CNTNAP5: variants seen among roughly 807,000 people sequenced by gnomAD.
CNTNAP5 encodes contactin associated protein family member 5, also known as contactin-associated protein-like 5.
Under a neutral mutation model 150.2 loss-of-function variants are expected in CNTNAP5, and 72 were observed. That is an observed-to-expected ratio of 0.48 (90% CI 0.40 to 0.58). CNTNAP5 has a LOEUF of 0.58. Ranked by LOEUF, CNTNAP5 falls within the 20% of genes least tolerant of loss-of-function variation. CNTNAP5 has a pLI of 0.00. For missense variants in CNTNAP5, 1,636 were observed against 1,626.2 expected (o/e 1.01, Z -0.10); for synonymous variants, 672 against 619.8 (o/e 1.08, Z -1.25).
chr2:124,038,176 A>G (rs1309909674), intron 1 of CNTNAP5, among the ~76,000 whole-genome samples: 1 of 152,206 alleles, frequency 6.6e-6, no homozygotes, highest in Non-Finnish European at 1.5e-5. Flanking sequence ...ACCCTGTCCG[A>G]CTGGCTTCGG....
At chr2:124,906,637 G>A (rs1558821560) in intron 22 of CNTNAP5, among the ~76,000 whole-genome samples, 1 of 152,084 alleles carries the variant, frequency 6.6e-6, no homozygotes, top group South Asian at 2.1e-4. Context: ...CTTTTATATG[G>A]CAGGACTCTT....
At chr2:124,707,146 AGAAGAAG>A (rs1365927798) in intron 13 of CNTNAP5, among the ~76,000 whole-genome samples, 1 of 41,728 alleles carries the variant, frequency 2.4e-5, no homozygotes, top group Non-Finnish European at 5.0e-5. Flanking sequence ...AAGAGGAAGA[AGAAGAAG>A]AAGAAGAAGA....
intron 1 of CNTNAP5, among the ~76,000 whole-genome samples, chr2:124,060,162 G>A (rs1232681055): frequency 2.0e-5 from 3 of 152,036 alleles, no homozygotes; most frequent in East Asian, 3.9e-4. Context: ...CTTTGGAATC[G>A]ATGACTCCAC....
chr2:124,831,776 T>A (rs62171359), intron 19 of CNTNAP5, among the ~76,000 whole-genome samples: 7,566 of 151,738 alleles, frequency 0.05, 548 homozygotes, highest in African/African-American at 0.16. Context: ...ATATTTAAAA[T>A]TACATGAAAA....
rs565570385 is a variant in CNTNAP5 at position 124,324,037 on chromosome 2, A to G, written c.381+81644A>G. Among the ~76,000 whole-genome samples, 4 of 152,302 alleles carry G rather than the reference A, an allele frequency of 2.6e-5. No homozygotes were observed. In the South Asian group the frequency reaches 8.3e-4, roughly 32 times the overall value. Reference sequence around the variant, plus strand: ...AGCATTACGAAAAAAAGAGCCAAAAATACATTCATTAATATTCATTAATTT... The same window carrying G: ...AGCATTACGAAAAAAAGAGCCAAAAGTACATTCATTAATATTCATTAATTT... On this transcript the variant is annotated intron_variant, in intron 3 of 23. Coordinates refer to ENST00000682447, the MANE Select transcript of CNTNAP5 (RefSeq NM_001367498.1).
At chr2:124,642,677 A>G (rs947822298) in intron 12 of CNTNAP5, among the ~76,000 whole-genome samples, 3 of 152,164 alleles carry the variant, frequency 2.0e-5, no homozygotes, top group Non-Finnish European at 2.9e-5. Flanking sequence ...ACAGCCTCAG[A>G]CATTTGTCAT....
chr2:124,709,619 A>T (rs1679764807), intron 13 of CNTNAP5, among the ~76,000 whole-genome samples: 1 of 152,172 alleles, frequency 6.6e-6, no homozygotes, highest in Admixed American at 6.5e-5. Context: ...TTAATATCTT[A>T]TAAGACTATG....
At chr2:124,318,068 C>T (rs922072763) in intron 3 of CNTNAP5, among the ~76,000 whole-genome samples, 1 of 152,124 alleles carries the variant, frequency 6.6e-6, no homozygotes, top group Non-Finnish European at 1.5e-5. Flanking sequence ...AAGACTGGGA[C>T]GATGAGCTGA....
chr2:124,505,728 T>C (rs1360142686), intron 8 of CNTNAP5, among the ~76,000 whole-genome samples: 1 of 152,138 alleles, frequency 6.6e-6, no homozygotes, highest in African/African-American at 2.4e-5. Context: ...TACCAATCTC[T>C]GATGTCCTTC....
chr2:124,773,707 G>T (rs1681255045), intron 17 of CNTNAP5, among the ~76,000 whole-genome samples: 1 of 151,906 alleles, frequency 6.6e-6, no homozygotes, highest in Non-Finnish European at 1.5e-5. Flanking sequence ...TTAGATAGTG[G>T]GTATTGAAAG....
At chr2:124,426,364 C>A (rs949193481) in intron 4 of CNTNAP5, among the ~76,000 whole-genome samples, 2 of 152,180 alleles carry the variant, frequency 1.3e-5, no homozygotes, top group Non-Finnish European at 2.9e-5. Flanking sequence ...GTGGAGGAAT[C>A]TGTGCAAATT....
intron 12 of CNTNAP5, among the ~76,000 whole-genome samples, chr2:124,619,842 CATATATATATATAT>C (rs58774096): frequency 0.44 from 43,378 of 98,232 alleles, 10,854 homozygotes; most frequent in Non-Finnish European, 0.54. Context: ...CTGTCTCATT[CATATATATATATAT>C]ATATATATAT....
At chr2:124,191,652 A>G (rs1329597397) in intron 1 of CNTNAP5, among the ~76,000 whole-genome samples, 22 of 152,184 alleles carry the variant, frequency 1.4e-4, no homozygotes, top group Admixed American at 1.4e-3. Context: ...CCAGTGGCTC[A>G]TGCCTGTAAT....
intron 16 of CNTNAP5, among the ~76,000 whole-genome samples, chr2:124,765,169 TAC>T (rs1417291610): frequency 6.6e-6 from 1 of 152,150 alleles, no homozygotes; most frequent in Non-Finnish European, 1.5e-5. Flanking sequence ...TAAATTCTGG[TAC>T]TGTTAATGTT....
At chr2:124,816,120 G>C (rs1049140115) in intron 19 of CNTNAP5, among the ~76,000 whole-genome samples, 1 of 152,094 alleles carries the variant, frequency 6.6e-6, no homozygotes, top group African/African-American at 2.4e-5. Flanking sequence ...CGGGGAGCTG[G>C]GTTCTTGTAT....
At chr2:124,734,339 C>T (rs548970426) in intron 13 of CNTNAP5, among the ~76,000 whole-genome samples, 50 of 151,908 alleles carry the variant, frequency 3.3e-4, no homozygotes, top group Middle Eastern at 6.9e-3. Context: ...CATGAGAGAA[C>T]GTTTGACACA....
intron 4 of CNTNAP5, among the ~76,000 whole-genome samples, chr2:124,422,503 G>A (rs891879594): frequency 6.6e-6 from 1 of 152,146 alleles, no homozygotes; most frequent in Non-Finnish European, 1.5e-5. Flanking sequence ...AGTTAACTGC[G>A]TGATTGTCTA....
chr2:124,542,183 GCTTGACTTTT>G (rs1695402772), intron 10 of CNTNAP5, among the ~76,000 whole-genome samples: 1 of 151,008 alleles, frequency 6.6e-6, no homozygotes, highest in Non-Finnish European at 1.5e-5. Context: ...AAGTCCTCCT[GCTTGACTTTT>G]GCAGTCTTCT....
rs1032725338 is a variant in CNTNAP5, at chr2:124,722,272, C to T, written c.2078-24957C>T. On this transcript the variant is annotated intron_variant, in intron 13 of 23. Coordinates refer to ENST00000682447, the MANE Select transcript of CNTNAP5 (RefSeq NM_001367498.1). ...GTCTTAACCCATTTCAGCACCAACTCTAAGGCCCAAATCTCATTAAAATAT... is the reference window on the plus strand; with the variant it reads ...GTCTTAACCCATTTCAGCACCAACTTTAAGGCCCAAATCTCATTAAAATAT... 3.3e-5 allele frequency among the ~76,000 whole-genome samples: 5 copies of T among 152,188 alleles called. No individual in the cohort carries two copies. In the East Asian group the frequency reaches 9.7e-4, roughly 30 times the overall value.
Sources: gnomAD v4.1 joint callset for allele counts (sites outside exome capture counted in the v4.1 genomes callset) on GRCh38, gnomAD v4.1.1 for gene constraint, MANE v1.5 for transcripts, NCBI Gene and HGNC (gene_info 2026-07-23, HGNC 2026-07-21) for gene names.